Variants in CDC42BPB observed in about 807,000 individuals in gnomAD.
The protein encoded by CDC42BPB is serine/threonine-protein kinase MRCK beta.
In CDC42BPB, 37 loss-of-function variants were observed where a neutral mutation model predicts 214.9. The ratio of observed to expected loss-of-function variants is 0.17; its 90% CI spans 0.13 to 0.23. The LOEUF is 0.23. CDC42BPB is among the 10% of genes least tolerant of loss of function. The probability of loss-of-function intolerance (pLI) is 1.00; values close to 1 mark genes in which losing one functional copy is unlikely to be tolerated. For synonymous variants in CDC42BPB, 931 were observed against 884.0 expected, an observed-to-expected ratio of 1.05 and a Z score of -0.94; for missense variants, 1,694 against 2,227.0, an observed-to-expected ratio of 0.76 and a Z score of 4.82.
chr14:102,954,294 A>C lies in CDC42BPB; in HGVS notation c.2989-19T>G. The C allele has an allele frequency of 6.6e-7, 1 of 1,505,708 alleles. No individual in the cohort carries two copies. Among genetic ancestry groups the C allele is most frequent in the Non-Finnish European group, 8.9e-7 (1 of 1,128,296 alleles). 93.3% of individuals were successfully genotyped at this position (1,505,708 alleles called of 1,614,324 possible). On this transcript the variant is annotated intron_variant, in intron 22 of 36. Transcript: ENST00000361246. The stretch of plus-strand genomic sequence containing the variant: ...CCATGTCCTGGGAGACAAGCAGGAC[A>C]GGTGAGTGTCGGCCCAGCTCAGCAT...
intron 8 of CDC42BPB, among the ~76,000 whole-genome samples, chr14:102,979,976 C>T (rs1242032752): frequency 6.6e-6 from 1 of 152,176 alleles, no homozygotes; most frequent in East Asian, 1.9e-4. Context: ...TGAACTCTTG[C>T]TGTATAAAGA....
At chr14:103,037,499 G>A (rs559249195) in intron 1 of CDC42BPB, among the ~76,000 whole-genome samples, 118 of 151,988 alleles carry the variant, frequency 7.8e-4, no homozygotes, top group Non-Finnish European at 1.4e-3. Context: ...TTGCTATGTC[G>A]CTCAGGCTTA....
chr14:102,933,961 CATGTT>C (rs774795417), intron 36 of CDC42BPB, 118 bp from the exon 37 acceptor site: 15 of 1,415,344 alleles, frequency 1.1e-5, no homozygotes, highest in Non-Finnish European at 1.4e-5. Flanking sequence ...CTTCTCCCTT[CATGTT>C]ATGAAAACAC....
intron 1 of CDC42BPB, among the ~76,000 whole-genome samples, chr14:103,049,513 A>G (rs949637129): frequency 6.6e-6 from 1 of 152,248 alleles, no homozygotes; most frequent in African/African-American, 2.4e-5. Context: ...TGATAAGTAG[A>G]AACAGAGCAG....
chr14:102,963,664 G>A (rs1470061466), intron 19 of CDC42BPB, among the ~76,000 whole-genome samples: 1 of 152,248 alleles, frequency 6.6e-6, no homozygotes, highest in Non-Finnish European at 1.5e-5. Context: ...CCACTCATCA[G>A]TGGGGTGACA....
At chr14:103,003,508 C>T (rs34846220) in intron 4 of CDC42BPB, among the ~76,000 whole-genome samples, 9 of 152,358 alleles carry the variant, frequency 5.9e-5, no homozygotes, top group Admixed American at 4.6e-4. Context: ...GGGCACCCCC[C>T]CCACCGCGGG....
intron 36 of CDC42BPB, among the ~76,000 whole-genome samples, chr14:102,936,183 A>G (rs1891639410): frequency 6.6e-6 from 1 of 152,218 alleles, no homozygotes; most frequent in African/African-American, 2.4e-5. Flanking sequence ...GCAGAAAACA[A>G]TTTGGTGGTT....
rs769102498 is a variant in CDC42BPB at position 102,944,504 on chromosome 14, A to G, written c.3812-17T>C. On this transcript the variant is annotated splice_polypyrimidine_tract_variant and intron_variant, in intron 29 of 36. Transcript: ENST00000361246. This position sits in a 1 kb window ranked among gnomAD's most constrained non-coding sequence, Gnocchi z 6.6. ...GGACGATCACTGTGGCAAGGAGGAC[A>G]AGAGCGTGAGGCCGACGGGACAGCC... is the stretch of plus-strand genomic sequence containing the variant. 31 of 1,601,730 alleles carry G rather than the reference A, an allele frequency of 1.9e-5. No individual in the cohort carries two copies. Among genetic ancestry groups the G allele is most frequent in the Non-Finnish European group, 2.6e-5 (30 of 1,172,370 alleles).
At chr14:102,947,514 G>A (rs1410215346) in intron 27 of CDC42BPB, among the ~76,000 whole-genome samples, 1 of 152,134 alleles carries the variant, frequency 6.6e-6, no homozygotes, top group East Asian at 1.9e-4. Flanking sequence ...GGGTGTCTGG[G>A]AAGAAGCCAG....
chr14:102,974,281 TACACACACACACACACACACACAC>T (rs71119749), intron 11 of CDC42BPB, 132 bp from the exon 12 acceptor site: 6 of 1,315,120 alleles, frequency 4.6e-6, no homozygotes, highest in Non-Finnish European at 5.8e-6. Context: ...TTTTTTTACT[TACACACACACACACACACACACAC>T]ACACACACAC....
intron 1 of CDC42BPB, among the ~76,000 whole-genome samples, chr14:103,019,003 G>A (rs556670621): frequency 1.3e-5 from 2 of 152,258 alleles, no homozygotes; most frequent in African/African-American, 2.4e-5. Flanking sequence ...GAGTGCAGTG[G>A]AGTGATCACA....
intron 11 of CDC42BPB, among the ~76,000 whole-genome samples, chr14:102,974,846 TG>T (rs1463696741): frequency 3.3e-5 from 5 of 152,116 alleles, no homozygotes; most frequent in African/African-American, 1.2e-4. Flanking sequence ...CTTGGGAGGC[TG>T]AGACAGGAGA....
At chr14:103,021,750 G>GA (rs1886785253) in intron 1 of CDC42BPB, among the ~76,000 whole-genome samples, 1 of 152,040 alleles carries the variant, frequency 6.6e-6, no homozygotes, top group Admixed American at 6.6e-5. Context: ...TTGAGTCTGA[G>GA]AAAACCTGAG....
chr14:103,000,149 G>T (rs1595127963), intron 4 of CDC42BPB, among the ~76,000 whole-genome samples: 1 of 152,202 alleles, frequency 6.6e-6, no homozygotes, highest in East Asian at 1.9e-4. Context: ...GGTATCAGCA[G>T]TTCTTATTGG....
chr14:102,937,623 A>G (rs916508134), intron 36 of CDC42BPB, among the ~76,000 whole-genome samples: 2 of 152,124 alleles, frequency 1.3e-5, no homozygotes, highest in South Asian at 2.1e-4. Context: ...CGCACAGGGG[A>G]AACTGAGGCC....
chr14:102,994,076 G>C lies in CDC42BPB; in HGVS notation c.596+5489C>G, dbSNP rs569153895. Among the ~76,000 whole-genome samples the C allele has an allele frequency of 2.0e-5, 3 of 152,324 alleles. No individual in the cohort carries two copies. The East Asian group carries it at 5.8e-4, about 29-fold the overall frequency. On this transcript the variant is annotated intron_variant, in intron 5 of 36. Coordinates refer to ENST00000361246, the MANE Select transcript of CDC42BPB (RefSeq NM_006035.4). ...AGACAGGCTAGGAAGACACAGAAGA[G>C]AGTAAGGAGGCGCCGAGACACGCCA...
At chr14:103,016,949 A>G (rs1405755128) in intron 1 of CDC42BPB, among the ~76,000 whole-genome samples, 1 of 152,172 alleles carries the variant, frequency 6.6e-6, no homozygotes, top group African/African-American at 2.4e-5. Flanking sequence ...GGAAACCGCA[A>G]GGTGAGCCTG....
intron 24 of CDC42BPB, among the ~76,000 whole-genome samples, chr14:102,951,657 C>T (rs188426986): frequency 4.0e-5 from 6 of 151,506 alleles, no homozygotes; most frequent in Middle Eastern, 3.4e-3. Flanking sequence ...GGCATGGTGG[C>T]GTGGGCCTGT....
At chr14:102,949,672 A>G in intron 26 of CDC42BPB, 93 bp downstream of exon 26, 12 of 1,492,246 alleles carry the variant, frequency 8.0e-6, no homozygotes, top group Non-Finnish European at 1.1e-5. Flanking sequence ...AGTACTAATG[A>G]GGTGAAAGAC....
Sources: allele counts gnomAD v4.1 joint callset (sites outside exome capture counted in the v4.1 genomes callset), GRCh38; gene constraint gnomAD v4.1.1; non-coding constraint Gnocchi (gnomAD v3.1); transcripts MANE v1.5; gene names NCBI Gene and HGNC (gene_info 2026-07-23, HGNC 2026-07-21).